The following LRRC4C variants were observed in gnomAD, a reference collection of about 807,000 sequenced individuals.
LRRC4C encodes the protein leucine-rich repeat-containing protein 4C.
Under a neutral mutation model 33.6 loss-of-function variants are expected in LRRC4C, and 5 were observed. That is an observed-to-expected ratio of 0.15 (90% CI 0.08 to 0.31). LRRC4C has a LOEUF of 0.31. LRRC4C is among the 10% of genes least tolerant of loss of function. LRRC4C has a pLI of 1.00. For synonymous variants in LRRC4C, 329 were observed against 302.0 expected (o/e 1.09, Z -0.93); for missense variants, 560 against 796.7 (o/e 0.70, Z 3.58).
At chr11:40,703,191 G>A (rs939447405) in intron 2 of LRRC4C, among the ~76,000 whole-genome samples, 3 of 152,044 alleles carry the variant, frequency 2.0e-5, no homozygotes, top group African/African-American at 7.2e-5. Flanking sequence ...CAGGGATGAT[G>A]CCAAATATCC....
At chr11:41,380,437 G>A (rs1264077838) in intron 1 of LRRC4C, among the ~76,000 whole-genome samples, 4 of 151,884 alleles carry the variant, frequency 2.6e-5, no homozygotes, top group African/African-American at 9.7e-5. Context: ...TTTTTCATGT[G>A]CAGCTATGAA....
At chr11:40,148,465 C>A (rs1857922221) in intron 5 of LRRC4C, among the ~76,000 whole-genome samples, 1 of 152,070 alleles carries the variant, frequency 6.6e-6, no homozygotes, top group Non-Finnish European at 1.5e-5. Flanking sequence ...ATGCTTGTGG[C>A]CACATGTATG....
chr11:40,899,774 A>T (rs1956127891), intron 2 of LRRC4C, among the ~76,000 whole-genome samples: 1 of 152,320 alleles, frequency 6.6e-6, no homozygotes, highest in South Asian at 2.1e-4. Flanking sequence ...TGATGGAAAC[A>T]AAATTTAGGA....
Position 41,414,398 on chromosome 11 carries a change from A to G in LRRC4C, c.-496+45033T>C, listed in dbSNP as rs185941487. ...GAGCTCTCTTTTATAGGTGGAGAAA[A>G]AAGTCTGGTGTCACAAGACAGAAAA... On this transcript the variant is annotated intron_variant, in intron 1 of 6. Coordinates refer to ENST00000528697, the MANE Select transcript of LRRC4C (RefSeq NM_001258419.2). Among the ~76,000 whole-genome samples the G allele has an allele frequency of 5.1e-3, 774 of 152,304 alleles. 7 individuals are homozygous for G. Among genetic ancestry groups the G allele is most frequent in the Non-Finnish European group, 6.6e-3 (447 of 68,024 alleles).
chr11:40,345,784 T>C (rs1402358629), intron 3 of LRRC4C, among the ~76,000 whole-genome samples: 1 of 151,962 alleles, frequency 6.6e-6, no homozygotes, highest in Admixed American at 6.6e-5. Context: ...GGAAGGAAAA[T>C]TTTGCAAACT....
chr11:41,075,681 A>G (rs955254996), intron 1 of LRRC4C, among the ~76,000 whole-genome samples: 1 of 152,138 alleles, frequency 6.6e-6, no homozygotes, highest in African/African-American at 2.4e-5. Flanking sequence ...AACATTCACT[A>G]CATTTTTTTC....
chr11:40,309,356 A>T (rs1452484884), intron 4 of LRRC4C, among the ~76,000 whole-genome samples: 2 of 152,140 alleles, frequency 1.3e-5, no homozygotes, highest in South Asian at 2.1e-4. Flanking sequence ...TAATCTTTTC[A>T]AGGTTCATCT....
At chr11:40,420,277 G>A (rs1950475975) in intron 3 of LRRC4C, among the ~76,000 whole-genome samples, 1 of 152,062 alleles carries the variant, frequency 6.6e-6, no homozygotes, top group South Asian at 2.1e-4. Flanking sequence ...TTCCCTCAAG[G>A]TTCTTCCAGC....
intron 3 of LRRC4C, among the ~76,000 whole-genome samples, chr11:40,348,006 G>A (rs1232346340): frequency 6.6e-6 from 1 of 152,198 alleles, no homozygotes; most frequent in Non-Finnish European, 1.5e-5. Context: ...AAAAGGGAGA[G>A]ATATGACCAG....
intron 3 of LRRC4C, among the ~76,000 whole-genome samples, chr11:40,457,314 C>G (rs1313343135): frequency 2.6e-5 from 4 of 151,512 alleles, no homozygotes; most frequent in African/African-American, 9.7e-5. Flanking sequence ...AAATTCATAC[C>G]CATTGTATAA....
chr11:41,033,671 C>T (rs868547912), intron 1 of LRRC4C, among the ~76,000 whole-genome samples: 8 of 152,100 alleles, frequency 5.3e-5, no homozygotes, highest in South Asian at 2.1e-4. Context: ...TTTTAAGACC[C>T]GGGGAAGCCA....
chr11:41,367,837 A>C (rs1286483903), intron 1 of LRRC4C, among the ~76,000 whole-genome samples: 4 of 152,102 alleles, frequency 2.6e-5, no homozygotes, highest in Non-Finnish European at 5.9e-5. Context: ...TACCCAGGCT[A>C]TTAGGTTCAC....
At chr11:40,189,975 G>A (rs1178960964) in intron 5 of LRRC4C, among the ~76,000 whole-genome samples, 3 of 152,100 alleles carry the variant, frequency 2.0e-5, no homozygotes, top group African/African-American at 7.2e-5. Context: ...ATCACCCACA[G>A]AATCACAGCA....
chr11:40,433,361 A>G (rs890410974), intron 3 of LRRC4C, among the ~76,000 whole-genome samples: 3 of 152,160 alleles, frequency 2.0e-5, no homozygotes, highest in African/African-American at 7.2e-5. Context: ...TCAGAAATTG[A>G]GACACAAAAA....
intron 1 of LRRC4C, among the ~76,000 whole-genome samples, chr11:41,008,681 C>T (rs1488184010): frequency 1.3e-5 from 2 of 152,152 alleles, no homozygotes; most frequent in African/African-American, 2.4e-5. Flanking sequence ...ACCTTGAAGA[C>T]ACCACAGAGG....
chr11:40,523,613 T>C lies in LRRC4C; in HGVS notation c.-270+124529A>G, dbSNP rs565770980. Among the ~76,000 whole-genome samples, 129 of 68,744 alleles carry C rather than the reference T, an allele frequency of 1.9e-3. 5 individuals carry two copies. In the East Asian group the frequency reaches 0.14, roughly 77 times the overall value. The allele number at this position is 68,744 out of a possible 152,430, so 45.1% of individuals were successfully genotyped here. ...ATAATATGTAATCTATTATATATAA[T>C]AGAGTATTCTATTATATAGAAAGAA... is the stretch of plus-strand genomic sequence containing the variant. On this transcript the variant is annotated intron_variant, in intron 3 of 6. Transcript: ENST00000528697.
chr11:40,470,462 C>T (rs944193847), intron 3 of LRRC4C, among the ~76,000 whole-genome samples: 1 of 152,154 alleles, frequency 6.6e-6, no homozygotes, highest in Non-Finnish European at 1.5e-5. Flanking sequence ...ATTCCAAAAA[C>T]CGGAATGTCT....
chr11:40,441,641 G>A lies in LRRC4C; in HGVS notation c.-269-121920C>T, dbSNP rs569766425. Among the ~76,000 whole-genome samples, 61 of 152,256 alleles carry A rather than the reference G, an allele frequency of 4.0e-4. 1 individual carries two copies. In the South Asian group the frequency reaches 0.011, roughly 27 times the overall value. On this transcript the variant is annotated intron_variant, in intron 3 of 6. Coordinates refer to ENST00000528697, the MANE Select transcript of LRRC4C (RefSeq NM_001258419.2). ...TTAGAATGGAACATGAAATAAATCT[G>A]GAGTCAGAATACCTCATTTCAAAAT...
chr11:40,581,078 T>C (rs577650912), intron 3 of LRRC4C, among the ~76,000 whole-genome samples: 17 of 152,372 alleles, frequency 1.1e-4, no homozygotes, highest in African/African-American at 4.1e-4. Context: ...TTGTTTTTAT[T>C]CCTTTGACTG....
Sources: gnomAD v4.1 joint callset for allele counts (sites outside exome capture counted in the v4.1 genomes callset) on GRCh38, gnomAD v4.1.1 for gene constraint, MANE v1.5 for transcripts, NCBI Gene and HGNC (gene_info 2026-07-23, HGNC 2026-07-21) for gene names.